The following UNC13C variants were observed in gnomAD, a reference collection of about 807,000 sequenced individuals.
The protein encoded by UNC13C is unc-13 homolog C.
UNC13C carries 174 observed loss-of-function variants against 245.4 expected under a neutral mutation model. The observed-to-expected ratio is 0.71, with a 90% CI of 0.63 to 0.80. The LOEUF (loss-of-function observed/expected upper bound fraction) is 0.80, where lower values mean the gene tolerates loss of function less well. Ranked by LOEUF, UNC13C falls within the 30% of genes least tolerant of loss-of-function variation. UNC13C has a pLI of 0.00. For synonymous variants in UNC13C, 992 were observed against 895.1 expected (o/e 1.11, Z -1.93); for missense variants, 2,829 against 2,602.9 (o/e 1.09, Z -1.89).
intron 30 of UNC13C, among the ~76,000 whole-genome samples, chr15:54,576,832 G>A (rs764618530): frequency 1.3e-5 from 2 of 152,170 alleles, no homozygotes; most frequent in African/African-American, 2.4e-5. Flanking sequence ...GCCCTAGTAG[G>A]ACAGGCAGTT....
intron 17 of UNC13C, 29 bp from the exon 18 acceptor site, chr15:54,393,019 T>A (rs2039991116): frequency 6.5e-7 from 1 of 1,544,072 alleles, no homozygotes; most frequent in African/African-American, 1.4e-5. Flanking sequence ...TAACCTTTTC[T>A]TTTGCATGTT....
At chr15:54,332,175 T>A in intron 15 of UNC13C, 64 bp downstream of exon 15, 1 of 1,138,890 alleles carries the variant, frequency 8.8e-7, no homozygotes, top group Non-Finnish European at 1.2e-6. Context: ...TCTTGCCATA[T>A]TGTAAAAATT....
intron 13 of UNC13C, among the ~76,000 whole-genome samples, chr15:54,308,570 C>A (rs1477564755): frequency 2.0e-5 from 3 of 151,808 alleles, no homozygotes; most frequent in Non-Finnish European, 4.4e-5. Context: ...ACTATCATCA[C>A]CATGTTGTAC....
At chr15:54,560,503 A>G (rs1897258932) in intron 29 of UNC13C, among the ~76,000 whole-genome samples, 1 of 151,898 alleles carries the variant, frequency 6.6e-6, no homozygotes, top group Admixed American at 6.6e-5. Flanking sequence ...AAAAGTCATG[A>G]AGAAAAAGAA....
chr15:54,559,577 G>T (rs1596570458), intron 29 of UNC13C, among the ~76,000 whole-genome samples: 1 of 151,972 alleles, frequency 6.6e-6, no homozygotes, highest in African/African-American at 2.4e-5. Context: ...GAGAGCACCT[G>T]CCTTTGACTT....
chr15:54,191,192 G>A (rs147270763), intron 4 of UNC13C, among the ~76,000 whole-genome samples: 2 of 151,908 alleles, frequency 1.3e-5, no homozygotes, highest in African/African-American at 2.4e-5. Context: ...TAATGCTATC[G>A]CTCCCCTAGC....
intron 1 of UNC13C, among the ~76,000 whole-genome samples, chr15:53,985,816 T>C (rs1026909730): frequency 4.2e-4 from 64 of 152,164 alleles, no homozygotes; most frequent in African/African-American, 1.5e-3. Flanking sequence ...ACTACTTTCG[T>C]CTGGTTTTTG....
intron 8 of UNC13C, among the ~76,000 whole-genome samples, chr15:54,253,560 T>C (rs55637972): frequency 0.025 from 3,788 of 152,328 alleles, 83 homozygotes; most frequent in East Asian, 0.072. Context: ...AATTAGTTCA[T>C]TTGCGTCTCG....
intron 4 of UNC13C, among the ~76,000 whole-genome samples, chr15:54,224,313 C>T (rs2035312292): frequency 6.6e-6 from 1 of 151,926 alleles, no homozygotes; most frequent in South Asian, 2.1e-4. Flanking sequence ...TATGTTCTTT[C>T]TGGGAATTTG....
chr15:54,502,238 A>G (rs907432715), intron 22 of UNC13C, among the ~76,000 whole-genome samples: 1 of 152,108 alleles, frequency 6.6e-6, no homozygotes, highest in Admixed American at 6.6e-5. Context: ...GTGACCTCAG[A>G]AAACTTGTAT....
chr15:54,588,849 G>A (rs1898621967), intron 30 of UNC13C, among the ~76,000 whole-genome samples: 2 of 152,188 alleles, frequency 1.3e-5, no homozygotes, highest in South Asian at 2.1e-4. Flanking sequence ...GTATTCCATT[G>A]TATATATATA....
At chr15:54,290,013 C>G (rs2037255538) in intron 10 of UNC13C, among the ~76,000 whole-genome samples, 1 of 152,082 alleles carries the variant, frequency 6.6e-6, no homozygotes, top group Admixed American at 6.6e-5. Flanking sequence ...GCTGGGCATC[C>G]ATACATATGC....
At chr15:54,157,169 G>A (rs1327519166) in intron 4 of UNC13C, among the ~76,000 whole-genome samples, 1 of 152,136 alleles carries the variant, frequency 6.6e-6, no homozygotes, top group Non-Finnish European at 1.5e-5. Flanking sequence ...TTTCCATTTA[G>A]CCAATGGGAC....
At chr15:53,849,242 G>T in the UNC13C span, among the ~76,000 whole-genome samples, 3 of 151,792 alleles carry the variant, frequency 2.0e-5, no homozygotes, top group Admixed American at 1.3e-4. Flanking sequence ...CTACCATGTT[G>T]TTGCTTATTT....
chr15:53,970,627 G>A, the UNC13C span, among the ~76,000 whole-genome samples: 3 of 152,152 alleles, frequency 2.0e-5, no homozygotes, highest in East Asian at 1.9e-4. Flanking sequence ...GGAGCTGAAC[G>A]ATGAGAACAG....
intron 17 of UNC13C, among the ~76,000 whole-genome samples, chr15:54,368,664 T>C (rs1315741657): frequency 6.6e-6 from 1 of 152,146 alleles, no homozygotes; most frequent in Non-Finnish European, 1.5e-5. Flanking sequence ...CTAATTTATG[T>C]TAATTTTCTT....
At chr15:53,874,866 C>G in the UNC13C span, among the ~76,000 whole-genome samples, 1 of 152,074 alleles carries the variant, frequency 6.6e-6, no homozygotes, top group South Asian at 2.1e-4. Context: ...GAGGCCAAGG[C>G]GGGCGGATCA....
chr15:54,038,792 G>A (rs906725995), intron 2 of UNC13C, among the ~76,000 whole-genome samples: 8 of 152,108 alleles, frequency 5.3e-5, no homozygotes, highest in African/African-American at 1.9e-4. Flanking sequence ...AGACTCCTAT[G>A]TTTAATCAAA....
At chr15:54,233,664 C>T (rs917050488) in intron 4 of UNC13C, among the ~76,000 whole-genome samples, 5 of 152,022 alleles carry the variant, frequency 3.3e-5, no homozygotes, top group East Asian at 1.9e-4. Flanking sequence ...AGGCTCATGA[C>T]GACTAAGAAA....
Sources: allele counts gnomAD v4.1 joint callset (sites outside exome capture counted in the v4.1 genomes callset), GRCh38; gene constraint gnomAD v4.1.1; transcripts MANE v1.5; gene names NCBI Gene and HGNC (gene_info 2026-07-23, HGNC 2026-07-21).